The following ADCY2 variants were observed in gnomAD, a reference collection of about 807,000 sequenced individuals.
The protein encoded by ADCY2 is adenylate cyclase type 2.
A neutral mutation model predicts 125.2 loss-of-function variants in ADCY2; 31 were observed. The ratio of observed to expected loss-of-function variants is 0.25; its 90% CI spans 0.19 to 0.33. ADCY2 has a LOEUF of 0.33. Ranked by LOEUF, ADCY2 falls within the 10% of genes least tolerant of loss-of-function variation. The pLI, the probability that ADCY2 is intolerant of heterozygous loss-of-function variation, is 1.00. For missense variants in ADCY2, 904 were observed against 1,418.2 expected (o/e 0.64, Z 5.82); for synonymous variants, 512 against 548.4 (o/e 0.93, Z 0.93).
chr5:7,476,578 T>C (rs547159645), intron 2 of ADCY2, among the ~76,000 whole-genome samples: 2 of 152,264 alleles, frequency 1.3e-5, no homozygotes, highest in Non-Finnish European at 2.9e-5. Context: ...ACTGTCTCAG[T>C]GTAAGGCCAC....
chr5:7,487,811 T>C (rs568838334), intron 2 of ADCY2, among the ~76,000 whole-genome samples: 2 of 152,340 alleles, frequency 1.3e-5, no homozygotes, highest in African/African-American at 2.4e-5. Context: ...ATGGTACTTT[T>C]GAGTCATCAT....
At chr5:7,745,129 A>G (rs1310329899) in intron 15 of ADCY2, among the ~76,000 whole-genome samples, 3 of 152,236 alleles carry the variant, frequency 2.0e-5, no homozygotes, top group Non-Finnish European at 2.9e-5. Flanking sequence ...ACATCAGGAC[A>G]GCGCGATAGT....
At chr5:7,820,212 G>A (rs1745253312) in intron 23 of ADCY2, among the ~76,000 whole-genome samples, 1 of 152,134 alleles carries the variant, frequency 6.6e-6, no homozygotes, top group Admixed American at 6.5e-5. Context: ...GGAAGCTTTG[G>A]CCTGGCGCGG....
chr5:7,492,742 G>T lies in ADCY2; in HGVS notation c.409-27996G>T, dbSNP rs539518831. On this transcript the variant is annotated intron_variant, in intron 2 of 24. Transcript: ENST00000338316. Reference sequence around the variant, plus strand: ...TGCAGAGTCGTTTGGGGAGGTTAACGGAGTGGCTTGCAGAGTCCAGTTTGG... The same window carrying T: ...TGCAGAGTCGTTTGGGGAGGTTAACTGAGTGGCTTGCAGAGTCCAGTTTGG... 2.0e-5 allele frequency among the ~76,000 whole-genome samples: 3 copies of T among 152,112 alleles called. No homozygotes were observed. In the East Asian group the frequency reaches 5.8e-4, roughly 29 times the overall value.
chr5:7,563,165 T>C (rs187139627), intron 3 of ADCY2, among the ~76,000 whole-genome samples: 2 of 152,258 alleles, frequency 1.3e-5, no homozygotes, highest in East Asian at 3.9e-4. Flanking sequence ...AATTAGCAGG[T>C]TACATGGTTT....
At chr5:7,578,322 A>G (rs536193468) in intron 3 of ADCY2, among the ~76,000 whole-genome samples, 2 of 152,246 alleles carry the variant, frequency 1.3e-5, no homozygotes, top group Admixed American at 1.3e-4. Flanking sequence ...GTCAAATTGA[A>G]ACAGAAGTCT....
rs146075344 is a variant in ADCY2 at position 7,623,131 on chromosome 5, G to A, written c.571-3036G>A. On this transcript the variant is annotated intron_variant, in intron 3 of 24. Coordinates refer to ENST00000338316, the MANE Select transcript of ADCY2 (RefSeq NM_020546.3). ...CCCATTTCTATGCCCTGCAGAGGAA[G>A]CCCAGGGACAGATGATGGCTTCATT... Among the ~76,000 whole-genome samples, 488 of 152,320 alleles carry A rather than the reference G, an allele frequency of 3.2e-3. 4 individuals are homozygous for A. The highest frequency in any genetic ancestry group is 0.011 in the African/African-American group (472 of 41,572).
chr5:7,629,706 CCCACAGTAAAAT>C (rs1438422731), intron 4 of ADCY2, among the ~76,000 whole-genome samples: 2 of 152,188 alleles, frequency 1.3e-5, no homozygotes, highest in African/African-American at 4.8e-5. Flanking sequence ...AGTTTCATAT[CCCACAGTAAAAT>C]CCGCAGCTGT....
In ADCY2 at chr5:7,745,676, G is replaced by T. The variant is rs78128766; in HGVS notation, c.1956+1924G>T. 6.9e-3 allele frequency among the ~76,000 whole-genome samples: 1,044 copies of T among 152,308 alleles called. 5 individuals carry two copies. The highest frequency in any genetic ancestry group is 0.011 in the Non-Finnish European group (731 of 68,022). On this transcript the variant is annotated intron_variant, in intron 15 of 24. Coordinates refer to ENST00000338316, the MANE Select transcript of ADCY2 (RefSeq NM_020546.3). Reference sequence around the variant, plus strand: ...CCCCCACAAATCTCCTGAAGCCCATGTCTCAGGTTTCCAAAACAGGAACCA... The same window carrying T: ...CCCCCACAAATCTCCTGAAGCCCATTTCTCAGGTTTCCAAAACAGGAACCA...
chr5:7,454,805 A>G (rs1741608602), intron 2 of ADCY2, among the ~76,000 whole-genome samples: 1 of 151,988 alleles, frequency 6.6e-6, no homozygotes, highest in Non-Finnish European at 1.5e-5. Flanking sequence ...TGCCTTTTTC[A>G]CATGTGTTTA....
intron 2 of ADCY2, among the ~76,000 whole-genome samples, chr5:7,470,880 C>T (rs1187981713): frequency 1.3e-5 from 2 of 151,624 alleles, no homozygotes; most frequent in African/African-American, 4.8e-5. Flanking sequence ...GTTGATTTTT[C>T]CAACTACGAT....
chr5:7,468,173 C>G (rs1742196508), intron 2 of ADCY2, among the ~76,000 whole-genome samples: 1 of 152,146 alleles, frequency 6.6e-6, no homozygotes, highest in African/African-American at 2.4e-5. Flanking sequence ...GGGCTAAATG[C>G]CAACAAATAA....
At chr5:7,582,018 T>C (rs1011598026) in intron 3 of ADCY2, among the ~76,000 whole-genome samples, 2 of 152,132 alleles carry the variant, frequency 1.3e-5, no homozygotes, top group African/African-American at 4.8e-5. Context: ...GACCAAGTTA[T>C]ATGTTGTTTG....
At chr5:7,422,823 G>A (rs957810098) in intron 2 of ADCY2, among the ~76,000 whole-genome samples, 7 of 152,126 alleles carry the variant, frequency 4.6e-5, no homozygotes, top group African/African-American at 1.2e-4. Context: ...GAAAATGAGC[G>A]AAAATGAAAG....
intron 2 of ADCY2, among the ~76,000 whole-genome samples, chr5:7,448,526 G>A (rs1234187800): frequency 2.0e-5 from 3 of 151,942 alleles, no homozygotes; most frequent in Admixed American, 6.6e-5. Context: ...GGATGTGCAG[G>A]TTTGTTACAC....
At chr5:7,434,721 T>C (rs1033309327) in intron 2 of ADCY2, among the ~76,000 whole-genome samples, 6 of 152,214 alleles carry the variant, frequency 3.9e-5, no homozygotes, top group African/African-American at 1.2e-4. Context: ...CTCTGACTAT[T>C]TGTGAGTTTC....
At chr5:7,592,936 T>C (rs778083472) in intron 3 of ADCY2, among the ~76,000 whole-genome samples, 1 of 152,208 alleles carries the variant, frequency 6.6e-6, no homozygotes, top group Non-Finnish European at 1.5e-5. Context: ...AGAGAATTCC[T>C]CCTGGGATTG....
intron 3 of ADCY2, among the ~76,000 whole-genome samples, chr5:7,549,160 G>T (rs75538202): frequency 6.6e-6 from 1 of 152,186 alleles, no homozygotes. Flanking sequence ...GAGTGGTGAG[G>T]TGATGCTGCT....
At chr5:7,741,861 C>A (rs112073032) in intron 14 of ADCY2, among the ~76,000 whole-genome samples, 5 of 151,978 alleles carry the variant, frequency 3.3e-5, no homozygotes, top group African/African-American at 1.2e-4. Flanking sequence ...CCATCACCAT[C>A]CCTATCAATA....
Sources: gnomAD v4.1 joint callset for allele counts (sites outside exome capture counted in the v4.1 genomes callset) on GRCh38, gnomAD v4.1.1 for gene constraint, MANE v1.5 for transcripts, NCBI Gene and HGNC (gene_info 2026-07-23, HGNC 2026-07-21) for gene names.